Variants in GUCY2C observed in about 807,000 individuals in gnomAD.
GUCY2C encodes guanylyl cyclase C.
A neutral mutation model predicts 131.1 loss-of-function variants in GUCY2C; 118 were observed. That is an observed-to-expected ratio of 0.90 (90% CI 0.78 to 1.05). GUCY2C has a LOEUF of 1.05. Among genes scored for constraint, GUCY2C ranks in the 50% least tolerant of loss-of-function variants. The probability of loss-of-function intolerance (pLI) is 0.00; values close to 1 mark genes in which losing one functional copy is unlikely to be tolerated. For synonymous variants in GUCY2C, 452 were observed against 457.8 expected, an observed-to-expected ratio of 0.99 and a Z score of 0.16; for missense variants, 1,161 against 1,304.4, an observed-to-expected ratio of 0.89 and a Z score of 1.69.
At chr12:14,667,073 A>G (rs1947997075) in intron 10 of GUCY2C, among the ~76,000 whole-genome samples, 1 of 152,192 alleles carries the variant, frequency 6.6e-6, no homozygotes, top group South Asian at 2.1e-4. Context: ...CTTTAAGTAA[A>G]GAGAACTCTC....
At chr12:14,687,744 C>T (rs2137104849) in intron 2 of GUCY2C, among the ~76,000 whole-genome samples, 1 of 152,312 alleles carries the variant, frequency 6.6e-6, no homozygotes, top group South Asian at 2.1e-4. Flanking sequence ...AGGCTTTCCT[C>T]ACTTTTCTGG....
chr12:14,686,066 C>T (rs1948462492), intron 3 of GUCY2C, 95 bp downstream of exon 3: 1 of 765,082 alleles, frequency 1.3e-6, no homozygotes, highest in Admixed American at 2.1e-5. Flanking sequence ...GACCTCAACA[C>T]CTCTGATTGT....
chr12:14,644,213 A>T (rs1947466675), intron 16 of GUCY2C, among the ~76,000 whole-genome samples: 1 of 151,972 alleles, frequency 6.6e-6, no homozygotes, highest in East Asian at 1.9e-4. Flanking sequence ...GGCCCCCGTG[A>T]TGGCTCATGC....
At chr12:14,657,276 T>C (rs1947782491) in intron 11 of GUCY2C, among the ~76,000 whole-genome samples, 1 of 152,160 alleles carries the variant, frequency 6.6e-6, no homozygotes, top group Non-Finnish European at 1.5e-5. Flanking sequence ...GTTGGTGACA[T>C]TGAGAGGCAA....
chr12:14,620,583 G>A (rs1050156487), intron 23 of GUCY2C, among the ~76,000 whole-genome samples: 1 of 152,144 alleles, frequency 6.6e-6, no homozygotes, highest in Non-Finnish European at 1.5e-5. Context: ...CTGTATAACT[G>A]CAGTGGCAGG....
chr12:14,640,081 A>C, intron 18 of GUCY2C, 131 bp from the exon 19 acceptor site: 1 of 654,566 alleles, frequency 1.5e-6, no homozygotes. Flanking sequence ...TGCAGAGCCT[A>C]GACCAGCACT....
At chr12:14,652,461 C>A (rs1009242364) in intron 13 of GUCY2C, among the ~76,000 whole-genome samples, 26 of 152,152 alleles carry the variant, frequency 1.7e-4, no homozygotes, top group African/African-American at 5.3e-4. Context: ...AGACATGAGC[C>A]ATTGTGCCCA....
At chr12:14,635,281 G>A (rs1168839527) in intron 19 of GUCY2C, among the ~76,000 whole-genome samples, 1 of 151,950 alleles carries the variant, frequency 6.6e-6, no homozygotes. Flanking sequence ...GGCCACAATG[G>A]AATAAAAGTA....
intron 6 of GUCY2C, among the ~76,000 whole-genome samples, chr12:14,679,404 G>C (rs536704385): frequency 6.6e-6 from 1 of 152,132 alleles, no homozygotes; most frequent in African/African-American, 2.4e-5. Flanking sequence ...AGTCATAAAT[G>C]GACATGTGGG....
chr12:14,633,236 G>T (rs906903093), intron 19 of GUCY2C, among the ~76,000 whole-genome samples: 1 of 152,186 alleles, frequency 6.6e-6, no homozygotes, highest in African/African-American at 2.4e-5. Context: ...TGGCATTCCA[G>T]TCTTCAACAA....
At chr12:14,632,370 A>G (rs1038204777) in intron 19 of GUCY2C, among the ~76,000 whole-genome samples, 4 of 152,182 alleles carry the variant, frequency 2.6e-5, no homozygotes, top group Non-Finnish European at 5.9e-5. Context: ...GGTAAAGATC[A>G]TAAATATCTT....
chr12:14,659,594 T>C (rs145231726), intron 11 of GUCY2C, among the ~76,000 whole-genome samples: 118 of 152,316 alleles, frequency 7.7e-4, no homozygotes, highest in African/African-American at 2.7e-3. Context: ...AGTAAATGCA[T>C]GTAAAATAGC....
chr12:14,667,999 CTTTTTTT>C (rs11355096), intron 10 of GUCY2C, among the ~76,000 whole-genome samples: 2 of 76,512 alleles, frequency 2.6e-5, no homozygotes, highest in African/African-American at 9.7e-5. Context: ...TAATAATTTT[CTTTTTTT>C]TTTTTTTTTT....
chr12:14,693,537 A>G (rs1383552447), intron 1 of GUCY2C, among the ~76,000 whole-genome samples: 4 of 152,202 alleles, frequency 2.6e-5, no homozygotes, highest in East Asian at 1.9e-4. Context: ...CTTTTCCTCA[A>G]TGTAACCCTG....
Position 14,616,668 on chromosome 12 carries a change from A to G in GUCY2C, c.2935T>C (p.Phe979Leu). 6.2e-7 allele frequency: 1 copy of G among 1,605,370 alleles called. No homozygotes were observed. The highest frequency in any genetic ancestry group is 2.2e-5 in the East Asian group (1 of 44,828). ...IAILKRTECQ[F>L]LYEVRGETYL... ...GTTTCTCCTCTCACTTCATAAAGGA[A>G]CTGGCACTCAGTTCTCTTCAGGATG... Residue 979 changes from phenylalanine (F) to leucine (L), a missense_variant, in exon 25 of 27, where the codon TTC becomes CTC. By Grantham distance (22) the Phe-to-Leu change is conservative. Transcript: ENST00000261170.
At chr12:14,632,320 G>A (rs1373714870) in intron 19 of GUCY2C, among the ~76,000 whole-genome samples, 1 of 152,104 alleles carries the variant, frequency 6.6e-6, no homozygotes, top group Non-Finnish European at 1.5e-5. Context: ...TGTCCTGAAT[G>A]GTAATGCCTA....
intron 21 of GUCY2C, among the ~76,000 whole-genome samples, chr12:14,622,713 A>C (rs778589446): frequency 6.6e-6 from 1 of 152,214 alleles, no homozygotes; most frequent in Non-Finnish European, 1.5e-5. Context: ...ATTTAAATAT[A>C]AATTTTGATA....
At chr12:14,648,506 G>T (rs1185668067) in intron 15 of GUCY2C, among the ~76,000 whole-genome samples, 2 of 152,166 alleles carry the variant, frequency 1.3e-5, no homozygotes, top group Admixed American at 1.3e-4. Flanking sequence ...AAGGACATCT[G>T]CCCAACAACT....
intron 11 of GUCY2C, among the ~76,000 whole-genome samples, chr12:14,660,659 A>G (rs907423291): frequency 1.3e-5 from 2 of 152,204 alleles, no homozygotes; most frequent in African/African-American, 4.8e-5. Context: ...TTCCATTTCT[A>G]ATCCTTACAA....
Sources: gnomAD v4.1 joint callset for allele counts (sites outside exome capture counted in the v4.1 genomes callset) on GRCh38, gnomAD v4.1.1 for gene constraint, MANE v1.5 for transcripts, NCBI Gene and HGNC (gene_info 2026-07-23, HGNC 2026-07-21) for gene names.